Variants in LUZP2 observed in about 807,000 individuals in gnomAD.
The protein encoded by LUZP2 is leucine zipper protein 2.
In LUZP2, 52 loss-of-function variants were observed where a neutral mutation model predicts 51.6. That is an observed-to-expected ratio of 1.01 (90% confidence interval 0.81 to 1.27). The LOEUF (loss-of-function observed/expected upper bound fraction) is 1.27, where lower values mean the gene tolerates loss of function less well. Ranked by LOEUF, LUZP2 falls within the 50% of genes most tolerant of loss-of-function variation. The probability of loss-of-function intolerance (pLI) is 0.00; values close to 1 mark genes in which losing one functional copy is unlikely to be tolerated. For missense variants in LUZP2, 436 were observed against 395.4 expected (o/e 1.10, Z -0.87); for synonymous variants, 154 against 137.3 (o/e 1.12, Z -0.85).
chr11:24,964,708 G>A (rs1247611310), intron 7 of LUZP2, among the ~76,000 whole-genome samples: 1 of 151,948 alleles, frequency 6.6e-6, no homozygotes, highest in Non-Finnish European at 1.5e-5. Context: ...TGGATTAATA[G>A]TAACTTTTGA....
At chr11:25,066,261 T>TGTCCA (rs1162898636) in intron 10 of LUZP2, among the ~76,000 whole-genome samples, 1 of 151,932 alleles carries the variant, frequency 6.6e-6, no homozygotes, top group Non-Finnish European at 1.5e-5. Flanking sequence ...ACTGTGGCAT[T>TGTCCA]GTCCAGTGAT....
chr11:24,985,835 A>C (rs1856173200), intron 9 of LUZP2, among the ~76,000 whole-genome samples: 1 of 151,742 alleles, frequency 6.6e-6, no homozygotes, highest in African/African-American at 2.4e-5. Context: ...CATCTGAATA[A>C]GGATATTAGA....
At chr11:24,498,399 G>A (rs1305732191) in intron 1 of LUZP2, among the ~76,000 whole-genome samples, 1 of 152,140 alleles carries the variant, frequency 6.6e-6, no homozygotes, top group African/African-American at 2.4e-5. Flanking sequence ...TAAAATTCTT[G>A]ATTCCGTTCC....
At chr11:24,665,037 G>A (rs1219360685) in intron 1 of LUZP2, among the ~76,000 whole-genome samples, 3 of 152,152 alleles carry the variant, frequency 2.0e-5, no homozygotes, top group Non-Finnish European at 4.4e-5. Flanking sequence ...AAAAGTCAAA[G>A]ACACTCAACG....
chr11:24,960,703 G>A (rs1209650312), intron 7 of LUZP2, among the ~76,000 whole-genome samples: 1 of 152,022 alleles, frequency 6.6e-6, no homozygotes, highest in East Asian at 1.9e-4. Context: ...ACCAGCTCCT[G>A]GATTCATTAA....
chr11:24,999,737 T>C (rs1191492321), intron 9 of LUZP2, among the ~76,000 whole-genome samples: 1 of 152,178 alleles, frequency 6.6e-6, no homozygotes, highest in Non-Finnish European at 1.5e-5. Flanking sequence ...TAAATTGTTT[T>C]AAACTCACAA....
At chr11:24,763,050 A>T in intron 4 of LUZP2, 196 bp from the exon 5 acceptor site, 1 of 609,510 alleles carries the variant, frequency 1.6e-6, no homozygotes, top group Non-Finnish European at 2.1e-6. Flanking sequence ...AAATGAAAAA[A>T]GATATTTTAA....
At chr11:25,049,111 G>C (rs1228347502) in intron 9 of LUZP2, among the ~76,000 whole-genome samples, 3 of 152,120 alleles carry the variant, frequency 2.0e-5, no homozygotes, top group African/African-American at 4.8e-5. Context: ...AGTAGCGCAG[G>C]TAAAAATACC....
At chr11:24,999,518 G>T (rs906396498) in intron 9 of LUZP2, among the ~76,000 whole-genome samples, 2 of 151,620 alleles carry the variant, frequency 1.3e-5, no homozygotes, top group Non-Finnish European at 2.9e-5. Flanking sequence ...AGAGGAGGAG[G>T]AAGAGAAGAT....
intron 7 of LUZP2, among the ~76,000 whole-genome samples, chr11:24,946,668 G>A (rs1277327581): frequency 1.3e-5 from 2 of 151,548 alleles, no homozygotes; most frequent in African/African-American, 2.4e-5. Context: ...TCATGACCAC[G>A]TATGTTACCT....
At chr11:25,015,117 T>G (rs528224376) in intron 9 of LUZP2, among the ~76,000 whole-genome samples, 1 of 152,202 alleles carries the variant, frequency 6.6e-6, no homozygotes, top group South Asian at 2.1e-4. Context: ...TTAGAAAATG[T>G]TATTAATATT....
chr11:24,965,878 G>T (rs1008680151), intron 7 of LUZP2, among the ~76,000 whole-genome samples: 1 of 151,696 alleles, frequency 6.6e-6, no homozygotes, highest in African/African-American at 2.4e-5. Context: ...TTTAGATAGA[G>T]GGAACATTTA....
intron 9 of LUZP2, among the ~76,000 whole-genome samples, chr11:25,014,877 G>GT (rs36132940): frequency 0.4 from 60,098 of 151,684 alleles, 14,333 homozygotes; most frequent in East Asian, 0.78. Flanking sequence ...GGTTTTTATG[G>GT]TTTTAAGTCT....
chr11:24,961,936 A>T (rs1203181476), intron 7 of LUZP2, among the ~76,000 whole-genome samples: 2 of 151,810 alleles, frequency 1.3e-5, no homozygotes, highest in Non-Finnish European at 2.9e-5. Flanking sequence ...GTTTTAGGGC[A>T]GGCCTGGTGG....
intron 1 of LUZP2, among the ~76,000 whole-genome samples, chr11:24,527,773 G>A (rs1474872128): frequency 3.3e-5 from 5 of 151,136 alleles, no homozygotes; most frequent in African/African-American, 1.2e-4. Flanking sequence ...TCAGCTTCTG[G>A]GCTATCGTCT....
chr11:24,929,077 A>G (rs1007633276), intron 7 of LUZP2, among the ~76,000 whole-genome samples: 1 of 152,016 alleles, frequency 6.6e-6, no homozygotes, highest in African/African-American at 2.4e-5. Flanking sequence ...ATCAGTTATA[A>G]TATATCCCCT....
chr11:24,715,077 C>T (rs1425383421), intron 1 of LUZP2, among the ~76,000 whole-genome samples: 2 of 152,070 alleles, frequency 1.3e-5, no homozygotes, highest in African/African-American at 2.4e-5. Context: ...CATTTACTTA[C>T]CTCTGCTGAC....
intron 7 of LUZP2, among the ~76,000 whole-genome samples, chr11:24,928,482 G>A (rs180863566): frequency 2.6e-5 from 4 of 151,984 alleles, no homozygotes; most frequent in Admixed American, 6.6e-5. Context: ...GTCTATTAAG[G>A]TGATCATGTA....
intron 5 of LUZP2, among the ~76,000 whole-genome samples, chr11:24,791,457 T>A (rs574519061): frequency 1.9e-4 from 29 of 152,278 alleles, no homozygotes; most frequent in South Asian, 8.3e-4. Flanking sequence ...TACATGATAA[T>A]TTGTAGGACT....
Sources: gnomAD v4.1 joint callset for allele counts (sites outside exome capture counted in the v4.1 genomes callset) on GRCh38, gnomAD v4.1.1 for gene constraint, MANE v1.5 for transcripts, NCBI Gene and HGNC (gene_info 2026-07-23, HGNC 2026-07-21) for gene names.